The following SCLT1 variants were observed in gnomAD, a reference collection of about 807,000 sequenced individuals.
SCLT1 encodes the protein sodium channel-associated protein 1.
A neutral mutation model predicts 112.8 loss-of-function variants in SCLT1; 78 were observed. The observed-to-expected ratio is 0.69, with a 90% CI of 0.58 to 0.83. SCLT1 has a LOEUF of 0.83. Ranked by LOEUF, SCLT1 falls within the 40% of genes least tolerant of loss-of-function variation. The pLI is 0.00. For synonymous variants in SCLT1, 257 were observed against 254.7 expected, an observed-to-expected ratio of 1.01 and a Z score of -0.09; for missense variants, 747 against 770.4, an observed-to-expected ratio of 0.97 and a Z score of 0.36.
At chr4:129,012,089 G>A (rs1010979537) in intron 5 of SCLT1, among the ~76,000 whole-genome samples, 5 of 151,998 alleles carry the variant, frequency 3.3e-5, no homozygotes, top group African/African-American at 9.7e-5. Flanking sequence ...GAATTTGTTT[G>A]CTCTTGGTTC....
At chr4:129,029,102 T>C (rs1251173306) in intron 5 of SCLT1, among the ~76,000 whole-genome samples, 1 of 152,140 alleles carries the variant, frequency 6.6e-6, no homozygotes, top group Non-Finnish European at 1.5e-5. Context: ...GTTCAACCCT[T>C]GTGGAAGTAA....
At chr4:129,074,121 T>C (rs1008436992) in intron 2 of SCLT1, among the ~76,000 whole-genome samples, 3 of 152,210 alleles carry the variant, frequency 2.0e-5, no homozygotes, top group Admixed American at 6.5e-5. Flanking sequence ...AAGATACAAA[T>C]AATATGCTGT....
intron 1 of SCLT1, among the ~76,000 whole-genome samples, chr4:129,088,072 G>T (rs1579980801): frequency 6.6e-6 from 1 of 151,370 alleles, no homozygotes; most frequent in African/African-American, 2.4e-5. Context: ...GGGCAATAGA[G>T]GAAGATCCCG....
chr4:129,038,862 G>A (rs1747420146), intron 5 of SCLT1, among the ~76,000 whole-genome samples, 179 bp downstream of exon 5: 1 of 152,090 alleles, frequency 6.6e-6, no homozygotes, highest in South Asian at 2.1e-4. Flanking sequence ...AGCAGAAAGG[G>A]AAGTAACCTG....
In SCLT1 at chr4:129,093,128, T is replaced by C; in HGVS notation, c.-25A>G. 6.2e-7 allele frequency: 1 copy of C among 1,609,872 alleles called. No individual in the cohort carries two copies. The highest frequency in any genetic ancestry group is 8.5e-7 in the Non-Finnish European group (1 of 1,176,078). ...TTTCGATACAATTTTAGTTTAGAGC[T>C]TTCACCACCTTTACCTTCCTCTGAA... is the stretch of plus-strand genomic sequence containing the variant. On this transcript the variant is annotated 5_prime_UTR_variant, in exon 1 of 21. Coordinates refer to ENST00000281142, the MANE Select transcript of SCLT1 (RefSeq NM_144643.4).
intron 2 of SCLT1, among the ~76,000 whole-genome samples, chr4:129,052,591 T>G (rs1285896809): frequency 6.6e-6 from 1 of 152,152 alleles, no homozygotes; most frequent in African/African-American, 2.4e-5. Flanking sequence ...TTATCATTTT[T>G]TATTGTATCT....
chr4:129,068,986 A>G (rs1217237969), intron 2 of SCLT1, among the ~76,000 whole-genome samples: 1 of 152,112 alleles, frequency 6.6e-6, no homozygotes, highest in Non-Finnish European at 1.5e-5. Context: ...TCATTCTCCT[A>G]CATGTGGCTA....
In SCLT1 at chr4:129,033,368, C is replaced by T. The variant is rs535690675; in HGVS notation, c.290+5673G>A. Among the ~76,000 whole-genome samples the T allele has an allele frequency of 1.5e-3, 223 of 151,818 alleles. 1 individual carries two copies. Among genetic ancestry groups the T allele is most frequent in the Admixed American group, 2.2e-3 (34 of 15,224 alleles). ...GGGTGGGGGGCAAGGGAAGGGAGAGCATTAGACAAATACCTAATGCATGCG... is the reference window on the plus strand; with the variant it reads ...GGGTGGGGGGCAAGGGAAGGGAGAGTATTAGACAAATACCTAATGCATGCG... On this transcript the variant is annotated intron_variant, in intron 5 of 20. Transcript: ENST00000281142.
intron 18 of SCLT1, among the ~76,000 whole-genome samples, chr4:128,927,462 C>G (rs887707220): frequency 1.3e-5 from 2 of 151,706 alleles, no homozygotes; most frequent in Non-Finnish European, 2.9e-5. Context: ...GTGGTCCTAG[C>G]TACTTGGGAG....
intron 9 of SCLT1, among the ~76,000 whole-genome samples, chr4:128,987,521 T>C (rs1297151644): frequency 6.6e-6 from 1 of 152,154 alleles, no homozygotes; most frequent in Non-Finnish European, 1.5e-5. Flanking sequence ...TTAAAAGTCA[T>C]GTAGAAATTC....
At chr4:128,902,275 A>G (rs1734377243) in intron 18 of SCLT1, among the ~76,000 whole-genome samples, 1 of 152,196 alleles carries the variant, frequency 6.6e-6, no homozygotes, top group South Asian at 2.1e-4. Flanking sequence ...ATCCAAATGG[A>G]GTCATGCATC....
downstream of SCLT1, among the ~76,000 whole-genome samples, chr4:128,882,192 A>C (rs1452101720): frequency 6.6e-6 from 1 of 152,200 alleles, no homozygotes; most frequent in Non-Finnish European, 1.5e-5. Flanking sequence ...ACATCCCTAA[A>C]ATTTTTAAAA....
chr4:129,033,552 A>G (rs1311778796), intron 5 of SCLT1, among the ~76,000 whole-genome samples: 1 of 149,348 alleles, frequency 6.7e-6, no homozygotes, highest in Non-Finnish European at 1.5e-5. Context: ...ATAAGGTACT[A>G]TGAATAAAAT....
At chr4:128,909,177 A>T (rs1734910856) in intron 18 of SCLT1, among the ~76,000 whole-genome samples, 1 of 152,142 alleles carries the variant, frequency 6.6e-6, no homozygotes. Flanking sequence ...CTTAAGATTC[A>T]TTTCTTCACA....
intron 18 of SCLT1, among the ~76,000 whole-genome samples, chr4:128,898,683 G>C (rs1301558554): frequency 2.6e-5 from 4 of 152,074 alleles, no homozygotes; most frequent in Non-Finnish European, 5.9e-5. Context: ...CAGAGCAGAA[G>C]TGAAGGAAAT....
chr4:128,992,186 G>A lies in SCLT1; in HGVS notation c.667C>T (p.Gln223Ter). ...TVTEQSVIIEQLRKKLRQAKL... is the reference protein window; with the variant it reads ...TVTEQSVIIE Reference sequence around the variant, plus strand: ...AAATACCTAAGTTTTTTTCGGAGTTGTTCGATTATCACACTTTGTTCAGTT... The same window carrying A: ...AAATACCTAAGTTTTTTTCGGAGTTATTCGATTATCACACTTTGTTCAGTT... Residue 223 changes from glutamine (Q) to a stop codon, truncating the protein, a stop_gained, in exon 9 of 21, where the codon CAA becomes TAA. Coordinates refer to ENST00000281142, the MANE Select transcript of SCLT1 (RefSeq NM_144643.4). LOFTEE classifies it high-confidence loss of function. 6.3e-7 allele frequency: 1 copy of A among 1,592,862 alleles called. No homozygotes were observed. Among genetic ancestry groups the A allele is most frequent in the South Asian group, 1.1e-5 (1 of 87,434 alleles).
At chr4:128,971,170 TA>T (rs1433161226) in intron 9 of SCLT1, 160 of 152,194 alleles carry the variant, frequency 1.1e-3, no homozygotes, top group African/African-American at 3.8e-3. Flanking sequence ...ATTAAGTGAG[TA>T]TAAAACCCTT....
intron 5 of SCLT1, among the ~76,000 whole-genome samples, chr4:129,033,992 G>A (rs181555087): frequency 7.2e-4 from 109 of 152,252 alleles, no homozygotes; most frequent in African/African-American, 2.5e-3. Context: ...TTTCTTCACA[G>A]TATAATGACC....
chr4:128,944,499 G>A (rs1329941167), intron 16 of SCLT1: 1 of 151,984 alleles, frequency 6.6e-6, no homozygotes, highest in East Asian at 1.9e-4. Context: ...ATGTAGTGGA[G>A]GAAACTCTAC....
Sources: gnomAD v4.1 joint callset for allele counts (sites outside exome capture counted in the v4.1 genomes callset) on GRCh38, gnomAD v4.1.1 for gene constraint, MANE v1.5 for transcripts, NCBI Gene and HGNC (gene_info 2026-07-23, HGNC 2026-07-21) for gene names.